The following CAMK1D variants were observed in gnomAD, a reference collection of about 807,000 sequenced individuals.
CAMK1D encodes calcium/calmodulin-dependent protein kinase type 1D.
Under a neutral mutation model 47.7 loss-of-function variants are expected in CAMK1D, and 9 were observed. That is an observed-to-expected ratio of 0.19 (90% CI 0.11 to 0.33). CAMK1D has a LOEUF of 0.33. CAMK1D is among the 10% of genes least tolerant of loss of function. CAMK1D has a pLI of 1.00. For synonymous variants in CAMK1D, 184 were observed against 184.9 expected, an observed-to-expected ratio of 0.99 and a Z score of 0.04; for missense variants, 291 against 488.7, an observed-to-expected ratio of 0.60 and a Z score of 3.81.
chr10:12,786,081 T>G (rs1837712273), intron 5 of CAMK1D, among the ~76,000 whole-genome samples: 1 of 152,224 alleles, frequency 6.6e-6, no homozygotes, highest in Non-Finnish European at 1.5e-5. Context: ...TGGTGGGCTT[T>G]TTCAAACAAT....
At chr10:12,536,654 G>T (rs1372358915) in intron 1 of CAMK1D, among the ~76,000 whole-genome samples, 3 of 152,136 alleles carry the variant, frequency 2.0e-5, no homozygotes, top group African/African-American at 7.2e-5. Flanking sequence ...GTATCCTAAT[G>T]GTGTGTCTTT....
At chr10:12,567,822 G>C (rs893985921) in intron 2 of CAMK1D, among the ~76,000 whole-genome samples, 1 of 152,132 alleles carries the variant, frequency 6.6e-6, no homozygotes, top group South Asian at 2.1e-4. Context: ...CCTAAAGCAC[G>C]GCAGAGTGCA....
At chr10:12,663,885 G>A (rs1840350099) in intron 2 of CAMK1D, among the ~76,000 whole-genome samples, 1 of 152,054 alleles carries the variant, frequency 6.6e-6, no homozygotes, top group South Asian at 2.1e-4. Flanking sequence ...ATGTGAGGGT[G>A]GAATAAAGTA....
At chr10:12,536,953 T>C (rs1407988833) in intron 1 of CAMK1D, among the ~76,000 whole-genome samples, 3 of 152,212 alleles carry the variant, frequency 2.0e-5, no homozygotes, top group East Asian at 1.9e-4. Flanking sequence ...TCTAGATACG[T>C]TGTGATATTT....
intron 1 of CAMK1D, among the ~76,000 whole-genome samples, chr10:12,384,220 G>T (rs1342493594): frequency 2.0e-5 from 3 of 152,130 alleles, no homozygotes; most frequent in African/African-American, 7.2e-5. Flanking sequence ...TTAAATAAAT[G>T]GAAAGACGTC....
intron 1 of CAMK1D, among the ~76,000 whole-genome samples, chr10:12,371,733 T>TA (rs925565996): frequency 1.8e-4 from 28 of 151,634 alleles, no homozygotes; most frequent in African/African-American, 6.8e-4. Flanking sequence ...CTGTATCTAC[T>TA]AAAAATAGAA....
chr10:12,725,033 G>A (rs112398714), intron 3 of CAMK1D, among the ~76,000 whole-genome samples: 13 of 152,276 alleles, frequency 8.5e-5, no homozygotes, highest in African/African-American at 2.9e-4. Flanking sequence ...AGGCACATCC[G>A]TCTAGTGTTT....
At chr10:12,464,641 C>A (rs961658195) in intron 1 of CAMK1D, among the ~76,000 whole-genome samples, 1 of 152,122 alleles carries the variant, frequency 6.6e-6, no homozygotes, top group Non-Finnish European at 1.5e-5. Context: ...CGGTGAAACC[C>A]CATCTGTACT....
chr10:12,405,673 G>GCT (rs1413447328), intron 1 of CAMK1D, among the ~76,000 whole-genome samples: 2 of 152,200 alleles, frequency 1.3e-5, no homozygotes, highest in East Asian at 3.8e-4. Context: ...AGTCAACAGG[G>GCT]TTAGACCGAA....
chr10:12,563,052 T>C (rs1836993089), intron 2 of CAMK1D, among the ~76,000 whole-genome samples: 1 of 152,230 alleles, frequency 6.6e-6, no homozygotes. Context: ...TATTGGCTCA[T>C]GTAATTCTGG....
At chr10:12,527,231 C>T (rs1411952023) in intron 1 of CAMK1D, among the ~76,000 whole-genome samples, 2 of 151,938 alleles carry the variant, frequency 1.3e-5, no homozygotes, top group African/African-American at 4.8e-5. Flanking sequence ...TTCCTGGGCC[C>T]TTCCATCTGA....
chr10:12,824,444 G>T lies in CAMK1D; in HGVS notation c.834-21G>T, dbSNP rs777098698. On this transcript the variant is annotated intron_variant, in intron 8 of 10. Transcript: ENST00000619168. ...GGCCCAGAAGAAGCACTTCAGAGCA[G>T]CACCTTTGCCTCTGTTTCAGGATCG... The T allele has an allele frequency of 2.5e-6, 4 of 1,609,578 alleles. No individual in the cohort carries two copies. The Admixed American group carries it at 6.7e-5, about 27-fold the overall frequency.
chr10:12,757,685 G>T (rs1317403150), intron 3 of CAMK1D, among the ~76,000 whole-genome samples: 1 of 152,086 alleles, frequency 6.6e-6, no homozygotes, highest in Non-Finnish European at 1.5e-5. Flanking sequence ...TCACAGTTCT[G>T]GAGGCTGGAC....
intron 1 of CAMK1D, among the ~76,000 whole-genome samples, chr10:12,483,166 T>C (rs1834114614): frequency 1.3e-5 from 2 of 152,172 alleles, no homozygotes; most frequent in Non-Finnish European, 2.9e-5. Flanking sequence ...TCTGTGTTTG[T>C]GGAGCATCAT....
chr10:12,569,476 C>T (rs539996650), intron 2 of CAMK1D, among the ~76,000 whole-genome samples: 7 of 150,184 alleles, frequency 4.7e-5, no homozygotes, highest in African/African-American at 1.2e-4. Flanking sequence ...TTCGGGAGGC[C>T]GAGGCAGGCA....
At chr10:12,577,760 A>C (rs527528491) in intron 2 of CAMK1D, among the ~76,000 whole-genome samples, 1 of 152,226 alleles carries the variant, frequency 6.6e-6, no homozygotes. Context: ...ATAACGGGGT[A>C]TGATGCTTGG....
intron 3 of CAMK1D, among the ~76,000 whole-genome samples, chr10:12,747,659 T>G (rs2130864357): frequency 6.6e-6 from 1 of 152,228 alleles, no homozygotes; most frequent in South Asian, 2.1e-4. Context: ...AACAATTGAC[T>G]TACATGGTTA....
intron 3 of CAMK1D, among the ~76,000 whole-genome samples, chr10:12,723,911 C>A (rs1834502884): frequency 6.6e-6 from 1 of 152,132 alleles, no homozygotes; most frequent in Non-Finnish European, 1.5e-5. Context: ...CCTCCCCACT[C>A]CCCCTACCCC....
chr10:12,376,162 C>CAAAAAAAAAAAAAAAAAAA (rs59804213), intron 1 of CAMK1D, among the ~76,000 whole-genome samples: 4 of 59,994 alleles, frequency 6.7e-5, no homozygotes, highest in East Asian at 6.1e-4. Context: ...GACTCTGTCC[C>CAAAAAAAAAAAAAAAAAAA]AAAAAAAAAA....
Sources: allele counts gnomAD v4.1 joint callset (sites outside exome capture counted in the v4.1 genomes callset), GRCh38; gene constraint gnomAD v4.1.1; transcripts MANE v1.5; gene names NCBI Gene and HGNC (gene_info 2026-07-23, HGNC 2026-07-21).